WDR1: variants seen among roughly 807,000 people sequenced by gnomAD.
WDR1 encodes WD repeat-containing protein 1.
WDR1 carries 21 observed loss-of-function variants against 71.9 expected under a neutral mutation model. The ratio of observed to expected loss-of-function variants is 0.29; its 90% CI spans 0.21 to 0.42. WDR1 has a LOEUF of 0.42. Among genes scored for constraint, WDR1 ranks in the 10% least tolerant of loss-of-function variants. WDR1 has a pLI of 1.00. For synonymous variants in WDR1, 424 were observed against 347.4 expected (o/e 1.22, Z -2.45); for missense variants, 696 against 824.5 (o/e 0.84, Z 1.91).
At chr4:10,091,166 G>A (rs1317023375) in intron 5 of WDR1, among the ~76,000 whole-genome samples, 4 of 152,250 alleles carry the variant, frequency 2.6e-5, no homozygotes, top group East Asian at 1.9e-4. Context: ...AGGACTGGAC[G>A]GTCGTCTCTG....
intron 13 of WDR1, 37 bp downstream of exon 13, chr4:10,077,716 C>G (rs758036250): frequency 4.7e-5 from 72 of 1,529,248 alleles, no homozygotes; most frequent in Non-Finnish European, 1.3e-5. Flanking sequence ...CTGCACCGCC[C>G]AGCACGGGGA....
At position 10,088,436 on chromosome 4, in the gene WDR1, C is replaced by T. The variant is rs368092259; in HGVS notation, c.637-63G>A. ...GAACACCCTCTGGAGTAAGCAGTTTCTCCATGGACTGTGGCTGTAGAAAAC... is the reference window on the plus strand; with the variant it reads ...GAACACCCTCTGGAGTAAGCAGTTTTTCCATGGACTGTGGCTGTAGAAAAC... On this transcript the variant is annotated intron_variant, in intron 6 of 14. Coordinates refer to ENST00000499869, the MANE Select transcript of WDR1 (RefSeq NM_017491.5). 9 of 1,470,166 alleles carry T rather than the reference C, an allele frequency of 6.1e-6. No homozygotes were observed. In the African/African-American group the frequency reaches 1.1e-4, roughly 18 times the overall value. 91.1% of individuals were successfully genotyped at this position (1,470,166 alleles called of 1,614,324 possible).
In WDR1 at chr4:10,077,923, C is replaced by A. The variant is rs761257173; in HGVS notation, c.1399G>T (p.Gly467Cys). The change falls in exon 13 of 15, where the codon GGC becomes TGC. Residue 467 changes from glycine to cysteine, a missense_variant. Physicochemically the swap from Gly to Cys is radical, Grantham distance 159. Transcript: ENST00000499869. Reference protein sequence around the residue: ...GDTVAIGGVDGNVRLYSILGT... With the variant: ...GDTVAIGGVDCNVRLYSILGT... ...AGGATGGAATACAGGCGGACGTTGC[C>A]GTCCTACGGCAGGGACAGAGAGGAA... 6.2e-7 allele frequency: 1 copy of A among 1,602,640 alleles called. No homozygotes were observed. The highest frequency in any genetic ancestry group is 1.7e-5 in the Admixed American group (1 of 58,872).
intron 9 of WDR1, 126 bp downstream of exon 9, chr4:10,084,317 A>T: frequency 1.2e-6 from 1 of 811,146 alleles, no homozygotes; most frequent in Non-Finnish European, 2.1e-6. Context: ...CACACGGGTC[A>T]GAAGAGCGTG....
At chr4:10,111,793 C>T (rs1470311326) in intron 2 of WDR1, among the ~76,000 whole-genome samples, 1 of 151,812 alleles carries the variant, frequency 6.6e-6, no homozygotes, top group Non-Finnish European at 1.5e-5. Context: ...GCCCAATACC[C>T]TCCCCAACCC....
intron 3 of WDR1, among the ~76,000 whole-genome samples, chr4:10,100,274 T>A (rs1452257888): frequency 6.6e-6 from 1 of 152,226 alleles, no homozygotes; most frequent in African/African-American, 2.4e-5. Flanking sequence ...ATCCAGCCTC[T>A]GCCACACACA....
intron 8 of WDR1, among the ~76,000 whole-genome samples, 195 bp downstream of exon 8, chr4:10,087,512 C>A (rs1232405376): frequency 2.0e-5 from 3 of 152,248 alleles, no homozygotes; most frequent in African/African-American, 7.2e-5. Flanking sequence ...ACCTGGCCTG[C>A]CACCATGGCT....
At chr4:10,088,080 G>C in intron 7 of WDR1, 140 bp from the exon 8 acceptor site, 1 of 910,426 alleles carries the variant, frequency 1.1e-6, no homozygotes. Flanking sequence ...TGAGGCCAAG[G>C]ACAACACCCG....
In WDR1 at chr4:10,086,723, C is replaced by T. The variant is rs560354786; in HGVS notation, c.951+984G>A. Reference sequence around the variant, plus strand: ...TGAGGGAAGTGCTAGGGTTTGTCTCCCCGAGTGGCTTAAAGCAGGAGCCCG... The same window carrying T: ...TGAGGGAAGTGCTAGGGTTTGTCTCTCCGAGTGGCTTAAAGCAGGAGCCCG... On this transcript the variant is annotated intron_variant, in intron 8 of 14. Transcript: ENST00000499869. 3.3e-5 allele frequency among the ~76,000 whole-genome samples: 5 copies of T among 152,286 alleles called. No individual in the cohort carries two copies. The South Asian group carries it at 6.2e-4, about 19-fold the overall frequency.
intron 5 of WDR1, 84 bp from the exon 6 acceptor site, chr4:10,088,825 C>T (rs1162368292): frequency 1.9e-6 from 2 of 1,043,358 alleles, no homozygotes; most frequent in Non-Finnish European, 2.9e-6. Context: ...ACACAGCTTG[C>T]AGCTCCAGCT....
At chr4:10,099,574 A>G (rs899742276) in intron 3 of WDR1, among the ~76,000 whole-genome samples, 44 of 152,264 alleles carry the variant, frequency 2.9e-4, no homozygotes. Context: ...ATGGGACGGC[A>G]CTGGCTACAC....
chr4:10,100,570 C>T (rs1712625734), intron 3 of WDR1, among the ~76,000 whole-genome samples: 1 of 152,210 alleles, frequency 6.6e-6, no homozygotes, highest in Admixed American at 6.5e-5. Context: ...AAGGACTGTC[C>T]TGCTCTCAGT....
At chr4:10,098,854 GC>G (rs1213524042) in intron 4 of WDR1, 137 bp downstream of exon 4, 3 of 1,274,822 alleles carry the variant, frequency 2.4e-6, no homozygotes, top group African/African-American at 2.9e-5. Flanking sequence ...CCCTCACGGG[GC>G]CCGGCACCTA....
intron 9 of WDR1, 25 bp from the exon 10 acceptor site, chr4:10,083,203 C>G: frequency 6.2e-7 from 1 of 1,607,202 alleles, no homozygotes; most frequent in Non-Finnish European, 8.5e-7. Flanking sequence ...AGGAAAAGCC[C>G]GGCTCCCAGG....
At chr4:10,105,270 A>G (rs1487595078) in intron 2 of WDR1, among the ~76,000 whole-genome samples, 2 of 151,868 alleles carry the variant, frequency 1.3e-5, no homozygotes, top group African/African-American at 4.8e-5. Flanking sequence ...ATCTCCTCCA[A>G]CTCTGCTGTG....
chr4:10,113,297 G>A (rs912522218), intron 2 of WDR1, among the ~76,000 whole-genome samples: 4 of 152,180 alleles, frequency 2.6e-5, no homozygotes, highest in African/African-American at 9.7e-5. Flanking sequence ...GCAGGTGGAG[G>A]TTGCAGTGAC....
At chr4:10,091,404 G>A (rs1162522716) in intron 5 of WDR1, 1 of 152,244 alleles carries the variant, frequency 6.6e-6, no homozygotes, top group East Asian at 1.9e-4. Context: ...CTTTCCAGAT[G>A]GGGCTCCAGG....
intron 2 of WDR1, among the ~76,000 whole-genome samples, chr4:10,112,943 C>T (rs1713476584): frequency 6.6e-6 from 1 of 152,204 alleles, no homozygotes. Context: ...GCAGCCGTAG[C>T]CTGCTGCTTG....
Position 10,103,956 on chromosome 4 carries a change from G to T in WDR1, c.169C>A (p.His57Asn). 6.2e-7 allele frequency: 1 copy of T among 1,602,696 alleles called. No individual in the cohort carries two copies. Among genetic ancestry groups the T allele is most frequent in the Non-Finnish European group, 8.5e-7 (1 of 1,174,882 alleles). The change falls in exon 3 of 15, where the codon CAC (histidine) becomes AAC (asparagine). Residue 57 changes from histidine (H) to asparagine (N), a missense_variant. By Grantham distance (68) the His-to-Asn change is moderately conservative. Transcript: ENST00000499869. The part of the protein sequence containing the change: ...NPALADIYTE[H>N]AHQVVVAKYA... ...TTGGCCACCACCACCTGATGGGCGT[G>T]CTCTGTGTAGATGTCAGCAAGGGCT... is the stretch of plus-strand genomic sequence containing the variant.
Sources: gnomAD v4.1 joint callset for allele counts (sites outside exome capture counted in the v4.1 genomes callset) on GRCh38, gnomAD v4.1.1 for gene constraint, MANE v1.5 for transcripts, NCBI Gene and HGNC (gene_info 2026-07-23, HGNC 2026-07-21) for gene names.